The following SSMEM1 variants were observed in gnomAD, a reference collection of about 807,000 sequenced individuals.
The protein encoded by SSMEM1 is serine rich single-pass membrane protein 1.
SSMEM1 carries 12 observed loss-of-function variants against 9.9 expected under a neutral mutation model. The ratio of observed to expected loss-of-function variants is 1.21; its 90% CI spans 0.78 to 1.96. SSMEM1 has a LOEUF of 1.96. Among genes scored for constraint, SSMEM1 ranks in the 30% most tolerant of loss-of-function variants. The probability of loss-of-function intolerance (pLI) is 0.00; values close to 1 mark genes in which losing one functional copy is unlikely to be tolerated. For missense variants in SSMEM1, 259 were observed against 292.2 expected (o/e 0.89, Z 0.83); for synonymous variants, 96 against 98.9 (o/e 0.97, Z 0.17).
At chr7:130,214,507 T>C (rs746729416) in intron 2 of SSMEM1, among the ~76,000 whole-genome samples, 2 of 152,216 alleles carry the variant, frequency 1.3e-5, no homozygotes, top group Non-Finnish European at 2.9e-5. Context: ...GCCAATTTCA[T>C]ATAGACAACT....
intron 2 of SSMEM1, 42 bp downstream of exon 2, chr7:130,213,576 G>T: frequency 6.9e-7 from 1 of 1,447,196 alleles, no homozygotes. Context: ...ATGAGGGGAA[G>T]AATATGTGTG....
At chr7:130,205,508 G>A, upstream of SSMEM1, 1 of 1,461,454 alleles carries the variant, frequency 6.8e-7, no homozygotes, top group Non-Finnish European at 9.5e-7. Flanking sequence ...CGCGAGAAAG[G>A]GAGGGGTCGC....
At chr7:130,208,133 G>C (rs1234947386) in intron 1 of SSMEM1, 40 bp downstream of exon 1, 1 of 1,520,718 alleles carries the variant, frequency 6.6e-7, no homozygotes, top group Non-Finnish European at 8.8e-7. Context: ...TATGTTTACT[G>C]TACACTAGGA....
In SSMEM1 at chr7:130,216,824, ATTAT is replaced by A; in HGVS notation, c.*359_*362del. The A allele has an allele frequency of 4.1e-6, 1 of 244,096 alleles. No homozygotes were observed. The highest frequency in any genetic ancestry group is 8.0e-6 in the Non-Finnish European group (1 of 125,168). The allele number at this position is 244,096 out of a possible 1,614,324, so 15.1% of individuals were successfully genotyped here. A position where few individuals can be genotyped will look rare whatever the true frequency, so the allele number is the denominator to read the frequency against. ...GAATAAGAAAGCTCTTTGAAAATGT[ATTAT>A]TTATGTTGAGAAACCACTTAAATGT... On this transcript the variant is annotated 3_prime_UTR_variant, in exon 3 of 3. Coordinates refer to ENST00000297819, the MANE Select transcript of SSMEM1 (RefSeq NM_145268.4).
chr7:130,213,529 G>A lies in SSMEM1; in HGVS notation c.233G>A (p.Arg78Lys). Reference sequence around the variant, plus strand: ...GGCAGTGGGACAAGTACTTCAGTAAGGAAAGGTGAGAACCAGTGCATATTT... The same window carrying A: ...GGCAGTGGGACAAGTACTTCAGTAAAGAAAGGTGAGAACCAGTGCATATTT... ...DEGSGTSTSV[R>K]KASKETSCKR... The change falls in exon 2 of 3, where the codon AGG (arginine) becomes AAG (lysine). Residue 78 changes from arginine (R) to lysine (K), a missense_variant. Arg to Lys is a conservative substitution (Grantham distance 26, BLOSUM62 2). Coordinates refer to ENST00000297819, the MANE Select transcript of SSMEM1 (RefSeq NM_145268.4). 9 of 1,611,650 alleles carry A rather than the reference G, an allele frequency of 5.6e-6. No homozygotes were observed. Among genetic ancestry groups the A allele is most frequent in the East Asian group, 2.2e-5 (1 of 44,738 alleles).
Position 130,216,117 on chromosome 7 carries a change from C to A in SSMEM1, c.382C>A (p.Arg128=), listed in dbSNP as rs138051879. Residue 128 remains arginine, a synonymous_variant, in exon 3 of 3, where the codon CGA becomes AGA. Transcript: ENST00000297819. The part of the protein sequence containing the change: ...ALVNAYPEQR[R]ARRQSQFNEV... ...GGTCAATGCCTATCCTGAACAAAGA[C>A]GAGCCAGGCGCCAGTCTCAGTTCAA... The A allele has an allele frequency of 2.4e-5, 39 of 1,614,040 alleles. No homozygotes were observed. The highest frequency in any genetic ancestry group is 3.3e-5 in the Non-Finnish European group (39 of 1,180,046).
rs1432006125 is a variant in SSMEM1, at chr7:130,208,011, C to T, written c.101C>T (p.Ser34Phe). Reference protein sequence around the residue: ...NQDYECWKDDSCGTIGSFLLW... With the variant: ...NQDYECWKDDFCGTIGSFLLW... Reference sequence around the variant, plus strand: ...GATTATGAATGCTGGAAGGATGACTCTTGTGGAACCATAGGGAGCTTCCTG... The same window carrying T: ...GATTATGAATGCTGGAAGGATGACTTTTGTGGAACCATAGGGAGCTTCCTG... The change falls in exon 1 of 3, where the codon TCT (serine) becomes TTT (phenylalanine). Residue 34 changes from serine (S) to phenylalanine (F), a missense_variant. Coordinates refer to ENST00000297819, the MANE Select transcript of SSMEM1 (RefSeq NM_145268.4). 1.2e-6 allele frequency: 2 copies of T among 1,613,984 alleles called. No individual in the cohort carries two copies. The highest frequency in any genetic ancestry group is 8.5e-7 in the Non-Finnish European group (1 of 1,179,980).
In SSMEM1 at chr7:130,216,653, TCA is replaced by T; in HGVS notation, c.*185_*186del. The T allele has an allele frequency of 2.8e-6, 2 of 712,022 alleles. No individual in the cohort carries two copies. Among genetic ancestry groups the T allele is most frequent in the Non-Finnish European group, 4.5e-6 (2 of 446,056 alleles). 44.1% of individuals were successfully genotyped at this position (712,022 alleles called of 1,614,324 possible). Reference sequence around the variant, plus strand: ...TCTTCGTTCAAAAAAAAAAAGGCCATCACGTGTTTATGGCACCATTGGAACAC... The same window carrying T: ...TCTTCGTTCAAAAAAAAAAAGGCCATCGTGTTTATGGCACCATTGGAACAC... On this transcript the variant is annotated 3_prime_UTR_variant, in exon 3 of 3. Transcript: ENST00000297819.
In SSMEM1 at chr7:130,216,461, T is replaced by C. The variant is rs1584716152; in HGVS notation, c.726T>C (p.Ser242=). ...SSISDINKKF[S]KF ...TATCTGACATTAACAAGAAATTTAG[T>C]AAATTTTGAATTTTATCACGTTCTT... is the stretch of plus-strand genomic sequence containing the variant. The change falls in exon 3 of 3, where the codon AGT becomes AGC. Residue 242 remains serine, a synonymous_variant. Coordinates refer to ENST00000297819, the MANE Select transcript of SSMEM1 (RefSeq NM_145268.4). 1 of 1,608,040 alleles carries C rather than the reference T, an allele frequency of 6.2e-7. No homozygotes were observed. Among genetic ancestry groups the C allele is most frequent in the Non-Finnish European group, 8.5e-7 (1 of 1,175,700 alleles).
rs2117053055 is a variant in SSMEM1, at chr7:130,207,894, C to T, written c.-17C>T. The T allele has an allele frequency of 1.2e-6, 2 of 1,611,800 alleles. No homozygotes were observed. Among genetic ancestry groups the T allele is most frequent in the East Asian group, 4.5e-5 (2 of 44,790 alleles). On this transcript the variant is annotated 5_prime_UTR_variant, in exon 1 of 3. Transcript: ENST00000297819. ...TATCCCTTTAAGCATGGTTTATTTTCTGAGCAAGGAGTCATCATGGGAGAC... is the reference window on the plus strand; with the variant it reads ...TATCCCTTTAAGCATGGTTTATTTTTTGAGCAAGGAGTCATCATGGGAGAC...
intron 1 of SSMEM1, 82 bp from the exon 2 acceptor site, chr7:130,213,398 C>A: frequency 2.8e-6 from 3 of 1,067,086 alleles, no homozygotes; most frequent in Non-Finnish European, 4.1e-6. Flanking sequence ...ATAAATGGGC[C>A]TCAGCAATAG....
Position 130,207,879 on chromosome 7 carries a change from A to C in SSMEM1, c.-32A>C. ...GTTCCCAGTCATCTTTATCCCTTTAAGCATGGTTTATTTTCTGAGCAAGGA... is the reference window on the plus strand; with the variant it reads ...GTTCCCAGTCATCTTTATCCCTTTACGCATGGTTTATTTTCTGAGCAAGGA... On this transcript the variant is annotated 5_prime_UTR_variant, in exon 1 of 3. Transcript: ENST00000297819. 1 of 1,610,412 alleles carries C rather than the reference A, an allele frequency of 6.2e-7. No individual in the cohort carries two copies. Among genetic ancestry groups the C allele is most frequent in the Non-Finnish European group, 8.5e-7 (1 of 1,177,854 alleles).
chr7:130,206,970 A>G (rs1222214312), upstream of SSMEM1: 17 of 162,890 alleles, frequency 1.0e-4, 1 homozygote, highest in Non-Finnish European at 1.9e-4. Context: ...TGGGCGACAG[A>G]GTGAGACCCT....
intron 1 of SSMEM1, among the ~76,000 whole-genome samples, 195 bp downstream of exon 1, chr7:130,208,288 T>C (rs1039108405): frequency 1.3e-5 from 2 of 152,238 alleles, no homozygotes; most frequent in African/African-American, 4.8e-5. Flanking sequence ...AGTTATCCTC[T>C]TTCCCAGAGA....
intron 2 of SSMEM1, among the ~76,000 whole-genome samples, chr7:130,214,179 G>C (rs554646785): frequency 1.2e-4 from 18 of 152,302 alleles, no homozygotes; most frequent in African/African-American, 4.3e-4. Context: ...ACCTCCAGAG[G>C]CTGAAGCAGG....
rs764683457 is a variant in SSMEM1, at chr7:130,215,990, C to T, written c.255C>T (p.Ser85=). Residue 85 remains serine (S), a synonymous_variant, in exon 3 of 3, where the codon TCC becomes TCT. Transcript: ENST00000297819. The part of the protein sequence containing the change: ...TSVRKASKET[S]CKRQSKDSAW... ...GGTTGTTAGCAAGCAAAGAGACTTC[C>T]TGTAAGCGGCAAAGCAAAGACAGTG... 1 of 1,613,942 alleles carries T rather than the reference C, an allele frequency of 6.2e-7. No individual in the cohort carries two copies. Among genetic ancestry groups the T allele is most frequent in the Admixed American group, 1.7e-5 (1 of 59,960 alleles).
At chr7:130,212,112 A>T (rs180817404) in intron 1 of SSMEM1, among the ~76,000 whole-genome samples, 2 of 152,290 alleles carry the variant, frequency 1.3e-5, no homozygotes, top group African/African-American at 4.8e-5. Flanking sequence ...ATTTTCTGAA[A>T]GAGTTGGTTT....
intron 2 of SSMEM1, among the ~76,000 whole-genome samples, chr7:130,215,115 C>A (rs969392752): frequency 1.3e-5 from 2 of 152,064 alleles, no homozygotes; most frequent in Non-Finnish European, 2.9e-5. Flanking sequence ...CCAGCCTGGC[C>A]AACATGGCAA....
In SSMEM1 at chr7:130,208,145, A is replaced by G. The variant is rs773458703; in HGVS notation, c.183+52A>G. The G allele has an allele frequency of 2.0e-6, 3 of 1,481,712 alleles. No homozygotes were observed. In the South Asian group the frequency reaches 4.2e-5, roughly 21 times the overall value. The allele number at this position is 1,481,712 out of a possible 1,614,324, so 91.8% of individuals were successfully genotyped here. On this transcript the variant is annotated intron_variant, in intron 1 of 2. Coordinates refer to ENST00000297819, the MANE Select transcript of SSMEM1 (RefSeq NM_145268.4). Reference sequence around the variant, plus strand: ...TAATATGTTTACTGTACACTAGGAAAATTTCCATAAAATACATTTACTATA... The same window carrying G: ...TAATATGTTTACTGTACACTAGGAAGATTTCCATAAAATACATTTACTATA...
Sources: gnomAD v4.1 joint callset for allele counts (sites outside exome capture counted in the v4.1 genomes callset) on GRCh38, gnomAD v4.1.1 for gene constraint, MANE v1.5 for transcripts, NCBI Gene and HGNC (gene_info 2026-07-23, HGNC 2026-07-21) for gene names.